The following ZNF385D variants were observed in gnomAD, a reference collection of about 807,000 sequenced individuals.
ZNF385D encodes zinc finger protein 659.
In ZNF385D, 15 loss-of-function variants were observed where a neutral mutation model predicts 35.8. The ratio of observed to expected loss-of-function variants is 0.42; its 90% CI spans 0.28 to 0.64. ZNF385D has a LOEUF of 0.64. Ranked by LOEUF, ZNF385D falls within the 30% of genes least tolerant of loss-of-function variation. The pLI is 0.23. For synonymous variants in ZNF385D, 212 were observed against 186.8 expected (o/e 1.13, Z -1.10); for missense variants, 474 against 494.6 (o/e 0.96, Z 0.39).
At chr3:21,747,306 C>T (rs1208994794) in intron 1 of ZNF385D, among the ~76,000 whole-genome samples, 1 of 152,140 alleles carries the variant, frequency 6.6e-6, no homozygotes, top group African/African-American at 2.4e-5. Flanking sequence ...CCTCTTAATT[C>T]TGTTTAAAGT....
At chr3:21,921,888 T>C (rs112729889) in intron 3 of ZNF385D, among the ~76,000 whole-genome samples, 66 of 144,946 alleles carry the variant, frequency 4.6e-4, no homozygotes, top group African/African-American at 1.5e-3. Context: ...CTAGAACAGA[T>C]AGATTCACAG....
rs2071134058 is a variant in ZNF385D, at chr3:21,772,888, G to A, written c.326-107860C>T. 3.3e-5 allele frequency among the ~76,000 whole-genome samples: 5 copies of A among 151,934 alleles called. No homozygotes were observed. The South Asian group carries it at 1.0e-3, about 31-fold the overall frequency. On this transcript the variant is annotated intron_variant, in intron 3 of 5. Coordinates refer to the ZNF385D transcript ENST00000494108. Reference sequence around the variant, plus strand: ...AATATCATTCAGCCTTAAAAATGAAGAAAATTTTGATGTGCTGCAACATAG... The same window carrying A: ...AATATCATTCAGCCTTAAAAATGAAAAAAATTTTGATGTGCTGCAACATAG...
At chr3:22,108,359 G>A (rs530611998) in intron 3 of ZNF385D, among the ~76,000 whole-genome samples, 2 of 149,366 alleles carry the variant, frequency 1.3e-5, no homozygotes, top group African/African-American at 4.9e-5. Context: ...ATAATGAAAG[G>A]TTTTTTTTGT....
intron 2 of ZNF385D, among the ~76,000 whole-genome samples, chr3:22,361,824 C>T (rs550020050): frequency 2.0e-5 from 3 of 151,810 alleles, no homozygotes; most frequent in Admixed American, 6.6e-5. Context: ...GCTTCCTTAT[C>T]TAAAAAAAGA....
At chr3:22,158,699 T>C (rs12492436) in intron 3 of ZNF385D, among the ~76,000 whole-genome samples, 22,846 of 151,876 alleles carry the variant, frequency 0.15, 1,930 homozygotes, top group Middle Eastern at 0.2. Context: ...CACACATTCA[T>C]GCCATTGCTT....
intron 2 of ZNF385D, among the ~76,000 whole-genome samples, chr3:22,253,673 T>A (rs1700171549): frequency 6.6e-6 from 1 of 152,018 alleles, no homozygotes; most frequent in South Asian, 2.1e-4. Context: ...GATGTTATTC[T>A]GGGATTTTGT....
intron 3 of ZNF385D, among the ~76,000 whole-genome samples, chr3:21,907,569 C>T (rs1699743628): frequency 6.6e-6 from 1 of 152,004 alleles, no homozygotes; most frequent in South Asian, 2.1e-4. Context: ...ACATTTTGAT[C>T]ATAAATGTGC....
intron 3 of ZNF385D, among the ~76,000 whole-genome samples, chr3:21,902,657 TTTTA>T (rs1447984325): frequency 6.6e-6 from 1 of 152,184 alleles, no homozygotes; most frequent in Non-Finnish European, 1.5e-5. Flanking sequence ...AAGTCACTAT[TTTTA>T]TTTATTTCTA....
intron 3 of ZNF385D, among the ~76,000 whole-genome samples, chr3:21,757,233 G>T (rs899915171): frequency 2.7e-5 from 4 of 149,994 alleles, no homozygotes; most frequent in African/African-American, 9.8e-5. Flanking sequence ...CTGGGTTCAA[G>T]CGATTCTCGT....
At chr3:21,983,113 T>A (rs901518545) in intron 3 of ZNF385D, among the ~76,000 whole-genome samples, 1 of 147,390 alleles carries the variant, frequency 6.8e-6, no homozygotes, top group Non-Finnish European at 1.5e-5. Context: ...ATAGAATGAA[T>A]TGGGGAGGAG....
At chr3:21,964,860 TTATAAA>T (rs1702820085) in intron 3 of ZNF385D, among the ~76,000 whole-genome samples, 1 of 152,146 alleles carries the variant, frequency 6.6e-6, no homozygotes, top group African/African-American at 2.4e-5. Context: ...TCTATTCTTA[TTATAAA>T]TATATTTGTA....
chr3:21,979,993 A>T (rs1249441259), intron 3 of ZNF385D, among the ~76,000 whole-genome samples: 3 of 152,172 alleles, frequency 2.0e-5, no homozygotes, highest in Admixed American at 2.0e-4. Context: ...GGTAGGAGTG[A>T]TGCTGCCTGA....
intron 4 of ZNF385D, among the ~76,000 whole-genome samples, chr3:21,506,015 C>G (rs1410009948): frequency 1.3e-5 from 2 of 152,118 alleles, no homozygotes; most frequent in East Asian, 3.9e-4. Context: ...GGATGGCCAC[C>G]CTGCAGGCTG....
In ZNF385D at chr3:22,056,274, T is replaced by TAAAAA. The variant is rs1180609438; in HGVS notation, c.325+112538_325+112542dup. 3.7e-4 allele frequency among the ~76,000 whole-genome samples: 24 copies of TAAAAA among 64,898 alleles called. 1 individual carries two copies. Among genetic ancestry groups the TAAAAA allele is most frequent in the Non-Finnish European group, 5.1e-4 (15 of 29,524 alleles). 42.6% of individuals were successfully genotyped at this position (64,898 alleles called of 152,430 possible). A position where few individuals can be genotyped will look rare whatever the true frequency, so the allele number is the denominator to read the frequency against. On this transcript the variant is annotated intron_variant, in intron 3 of 5. Coordinates refer to the ZNF385D transcript ENST00000494108. ...ATGTACCCTAAAACTTAGAGTATAA[T>TAAAAA]AAAAAAAAAAAAAAAAAAAAAAAAA...
At chr3:21,843,598 T>C (rs940334259) in intron 3 of ZNF385D, among the ~76,000 whole-genome samples, 1 of 151,972 alleles carries the variant, frequency 6.6e-6, no homozygotes, top group Non-Finnish European at 1.5e-5. Flanking sequence ...TATTAAAATA[T>C]AGAGGATACT....
At chr3:22,069,562 A>G (rs961426505) in intron 3 of ZNF385D, among the ~76,000 whole-genome samples, 1 of 152,210 alleles carries the variant, frequency 6.6e-6, no homozygotes, top group Non-Finnish European at 1.5e-5. Flanking sequence ...TAGAAGCAAA[A>G]GGATGGCATA....
chr3:22,260,600 T>G (rs529950117), intron 2 of ZNF385D, among the ~76,000 whole-genome samples: 1 of 152,128 alleles, frequency 6.6e-6, no homozygotes, highest in African/African-American at 2.4e-5. Flanking sequence ...CAGTATAAAT[T>G]TGATAGGTAT....
At chr3:22,334,240 T>C (rs1033788385) in intron 2 of ZNF385D, among the ~76,000 whole-genome samples, 6 of 152,182 alleles carry the variant, frequency 3.9e-5, no homozygotes, top group Admixed American at 1.3e-4. Flanking sequence ...CTCACCTTTT[T>C]TGAATTGCTT....
intron 2 of ZNF385D, among the ~76,000 whole-genome samples, chr3:21,574,153 A>G (rs1461716247): frequency 6.6e-6 from 1 of 152,076 alleles, no homozygotes; most frequent in Non-Finnish European, 1.5e-5. Context: ...ATAAAGAGAC[A>G]ACTAGGCATC....
Sources: allele counts gnomAD v4.1 joint callset (sites outside exome capture counted in the v4.1 genomes callset), GRCh38; gene constraint gnomAD v4.1.1; transcripts MANE v1.5; gene names NCBI Gene and HGNC (gene_info 2026-07-23, HGNC 2026-07-21).